Variants in PCDH11X observed in about 807,000 individuals in gnomAD.
PCDH11X encodes the protein protocadherin-11 X-linked.
In PCDH11X, 18 loss-of-function variants were observed where a neutral mutation model predicts 53.3. That is an observed-to-expected ratio of 0.34 (90% CI 0.23 to 0.50). PCDH11X has a LOEUF of 0.50. PCDH11X is among the 20% of genes least tolerant of loss of function. The pLI, the probability that PCDH11X is intolerant of heterozygous loss-of-function variation, is 0.98. For missense variants in PCDH11X, 570 were observed against 1,032.4 expected (o/e 0.55, Z 6.14); for synonymous variants, 279 against 393.3 (o/e 0.71, Z 3.44).
chrX:92,420,322 C>A lies in PCDH11X; in HGVS notation c.3343+32389C>A, dbSNP rs184867847. 8.9e-5 allele frequency among the ~76,000 whole-genome samples: 10 copies of A among 112,136 alleles called. No homozygotes were observed. The East Asian group carries it at 1.7e-3, about 19-fold the overall frequency. ...GTATTACCCATTTTTTATTATTCAT[C>A]TTTCTCTTACTTTATTCCTGAAATT... On this transcript the variant is annotated intron_variant, in intron 9 of 10. Transcript: ENST00000682573.
intron 6 of PCDH11X, among the ~76,000 whole-genome samples, chrX:91,928,848 G>T (rs1450294415): frequency 9.0e-6 from 1 of 111,086 alleles, no homozygotes; most frequent in African/African-American, 3.3e-5. Flanking sequence ...ATCAAATGCT[G>T]TGCATAGATA....
At chrX:92,345,143 T>C (rs2069860177) in intron 8 of PCDH11X, among the ~76,000 whole-genome samples, 1 of 111,343 alleles carries the variant, frequency 9.0e-6, no homozygotes, top group Non-Finnish European at 1.9e-5. Context: ...ATAAATCTTA[T>C]TAATCAAACA....
intron 6 of PCDH11X, among the ~76,000 whole-genome samples, chrX:92,159,426 A>G (rs890012782): frequency 2.9e-4 from 31 of 106,362 alleles, no homozygotes; most frequent in Non-Finnish European, 5.4e-4. Context: ...TTAAAAATAT[A>G]TTATCATTTT....
chrX:92,376,705 C>G (rs1162986580), intron 8 of PCDH11X, among the ~76,000 whole-genome samples: 2 of 111,644 alleles, frequency 1.8e-5, no homozygotes, highest in East Asian at 5.6e-4. Context: ...TAAATAGCAC[C>G]TGATTCTTCC....
At chrX:92,505,152 C>CTTTTTTTTTTTTT (rs58620449) in intron 10 of PCDH11X, among the ~76,000 whole-genome samples, 67 of 64,221 alleles carry the variant, frequency 1.0e-3, no homozygotes, top group African/African-American at 1.5e-3. Context: ...TTTCTTTTTT[C>CTTTTTTTTTTTTT]TTTTTTTTTT....
At chrX:92,528,317 A>C (rs1347289175) in intron 10 of PCDH11X, among the ~76,000 whole-genome samples, 1 of 111,767 alleles carries the variant, frequency 8.9e-6, no homozygotes, top group African/African-American at 3.2e-5. Context: ...TTTGAGACGG[A>C]GTTTCACTCT....
At chrX:92,070,014 T>C (rs1027140126) in intron 6 of PCDH11X, among the ~76,000 whole-genome samples, 1 of 111,584 alleles carries the variant, frequency 9.0e-6, no homozygotes, top group African/African-American at 3.3e-5. Context: ...ACAATAACAC[T>C]GATTGCATAA....
chrX:91,980,686 C>A lies in PCDH11X; in HGVS notation c.3033+101413C>A, dbSNP rs376976876. Among the ~76,000 whole-genome samples, 286 of 106,438 alleles carry A rather than the reference C, an allele frequency of 2.7e-3. 2 individuals are homozygous for A. Among genetic ancestry groups the A allele is most frequent in the African/African-American group, 9.6e-3 (280 of 29,318 alleles). The allele number at this position is 106,438 out of a possible 115,157, so 92.4% of individuals were successfully genotyped here. On this transcript the variant is annotated intron_variant, in intron 6 of 10. Transcript: ENST00000682573. ...CTGAGCTCAACAGATCATCCCGCTG[C>A]GCCCTCCCAAAGTTCTGGGATTACA...
intron 7 of PCDH11X, among the ~76,000 whole-genome samples, chrX:92,217,966 C>G (rs868583892): frequency 1.2e-3 from 132 of 107,765 alleles, no homozygotes; most frequent in African/African-American, 4.2e-3. Flanking sequence ...GGGTACATAA[C>G]GAAATGAAGG....
intron 6 of PCDH11X, among the ~76,000 whole-genome samples, chrX:92,191,893 A>G (rs892042786): frequency 1.1e-4 from 12 of 112,074 alleles, no homozygotes; most frequent in African/African-American, 3.9e-4. Context: ...CTCAGAAGAC[A>G]TACAGGACAG....
chrX:91,860,042 T>A (rs1451235918), intron 5 of PCDH11X, among the ~76,000 whole-genome samples: 1 of 109,721 alleles, frequency 9.1e-6, no homozygotes, highest in East Asian at 2.9e-4. Context: ...ATCTATAAAT[T>A]ACTTTGGGCA....
chrX:92,418,021 C>T (rs2148611307), intron 9 of PCDH11X, among the ~76,000 whole-genome samples: 1 of 109,522 alleles, frequency 9.1e-6, no homozygotes, highest in South Asian at 3.9e-4. Flanking sequence ...TGTTAAATAA[C>T]ATTCGACTAA....
At chrX:92,587,027 G>A (rs1202554474) in intron 10 of PCDH11X, among the ~76,000 whole-genome samples, 2 of 85,617 alleles carry the variant, frequency 2.3e-5, no homozygotes, top group African/African-American at 9.2e-5. Flanking sequence ...GTTACAACCT[G>A]ATACGGCCCT....
intron 10 of PCDH11X, among the ~76,000 whole-genome samples, chrX:92,587,218 A>C (rs765216575): frequency 6.6e-4 from 73 of 111,269 alleles, no homozygotes; most frequent in African/African-American, 2.4e-3. Context: ...GCTATCAGAG[A>C]TTAACAGATA....
Position 91,878,798 on chromosome X carries a change from A to C in PCDH11X, c.2558A>C (p.Glu853Ala). 1 of 1,211,468 alleles carries C rather than the reference A, an allele frequency of 8.3e-7. No individual in the cohort carries two copies. The highest frequency in any genetic ancestry group is 1.1e-6 in the Non-Finnish European group (1 of 895,458). The change falls in exon 6 of 11, where the codon GAA (glutamate) becomes GCA (alanine). Residue 853 changes from glutamate (E) to alanine (A), a missense_variant. Glu to Ala is a moderately radical substitution (Grantham distance 107, BLOSUM62 -1). Coordinates refer to ENST00000682573, the MANE Select transcript of PCDH11X (RefSeq NM_032968.5). ...GCTCAGAAAAACAAGCAGAATTCTGAATGGGCTACCCCAAACCCAGAAAAC... is the reference window on the plus strand; with the variant it reads ...GCTCAGAAAAACAAGCAGAATTCTGCATGGGCTACCCCAAACCCAGAAAAC... ...KAAQKNKQNSEWATPNPENRQ... is the reference protein window; with the variant it reads ...KAAQKNKQNSAWATPNPENRQ...
In PCDH11X at chrX:92,112,331, TA is replaced by T. The variant is rs72029186; in HGVS notation, c.3034-89026del. 6.3e-3 allele frequency among the ~76,000 whole-genome samples: 560 copies of T among 89,025 alleles called. 3 individuals are homozygous for T. The highest frequency in any genetic ancestry group is 0.025 in the Middle Eastern group (4 of 158). 77.3% of individuals were successfully genotyped at this position (89,025 alleles called of 115,157 possible). ...TATCTGGGATAGGGTGATGTTCTGG[TA>T]AAAAAAAAAAAAAAAAAGTATAGTC... is the stretch of plus-strand genomic sequence containing the variant. On this transcript the variant is annotated intron_variant, in intron 6 of 10. Coordinates refer to ENST00000682573, the MANE Select transcript of PCDH11X (RefSeq NM_032968.5).
intron 9 of PCDH11X, among the ~76,000 whole-genome samples, chrX:92,464,532 A>C (rs1334295303): frequency 9.0e-6 from 1 of 110,795 alleles, no homozygotes; most frequent in Non-Finnish European, 1.9e-5. Flanking sequence ...GCTCTGTGGA[A>C]CAGTGAGTCA....
chrX:92,503,555 A>G (rs62598710), intron 10 of PCDH11X, among the ~76,000 whole-genome samples: 26,749 of 101,067 alleles, frequency 0.26, 2,841 homozygotes, highest in Non-Finnish European at 0.33. Context: ...ATAAAAAGGA[A>G]CAGGATCTTG....
chrX:92,004,591 T>C (rs188513855), intron 6 of PCDH11X, among the ~76,000 whole-genome samples: 1,937 of 109,778 alleles, frequency 0.018, 20 homozygotes, highest in Non-Finnish European at 0.029. Flanking sequence ...TTAAAATTCT[T>C]ATATTCTTTT....
Sources: gnomAD v4.1 joint callset for allele counts (sites outside exome capture counted in the v4.1 genomes callset) on GRCh38, gnomAD v4.1.1 for gene constraint, MANE v1.5 for transcripts, NCBI Gene and HGNC (gene_info 2026-07-23, HGNC 2026-07-21) for gene names.